Variants in EEF1G observed in about 807,000 individuals in gnomAD.
EEF1G encodes the protein eukaryotic translation elongation factor 1 gamma.
In EEF1G, 14 loss-of-function variants were observed where a neutral mutation model predicts 58.3. The ratio of observed to expected loss-of-function variants is 0.24; its 90% confidence interval spans 0.16 to 0.38. EEF1G has a LOEUF of 0.38. EEF1G is among the 10% of genes least tolerant of loss of function. The probability of loss-of-function intolerance (pLI) is 1.00; values close to 1 mark genes in which losing one functional copy is unlikely to be tolerated. For synonymous variants in EEF1G, 180 were observed against 206.8 expected (o/e 0.87, Z 1.11); for missense variants, 322 against 550.1 (o/e 0.59, Z 4.15).
chr11:62,561,688 A>AAAAAAAAAACAAAAC (rs1941498250), intron 7 of EEF1G, among the ~76,000 whole-genome samples: 9 of 140,430 alleles, frequency 6.4e-5, no homozygotes, highest in Non-Finnish European at 9.5e-5. Flanking sequence ...AAAACAAAAA[A>AAAAAAAAAACAAAAC]AAAAAAAACA....
At chr11:62,573,552 A>G in intron 1 of EEF1G, 1 of 565,142 alleles carries the variant, frequency 1.8e-6, no homozygotes, top group Non-Finnish European at 3.2e-6. Context: ...CACGCCTCAA[A>G]GCGGCAACAG....
intron 1 of EEF1G, chr11:62,573,377 T>C (rs1941661353): frequency 1.0e-5 from 2 of 191,034 alleles, no homozygotes; most frequent in South Asian, 9.6e-5. Flanking sequence ...CGGAGTCCAA[T>C]TGGTCTGACT....
intron 6 of EEF1G, 51 bp from the exon 7 acceptor site, chr11:62,567,061 A>C: frequency 6.3e-7 from 1 of 1,586,094 alleles, no homozygotes; most frequent in African/African-American, 1.3e-5. Context: ...CTCTTTCCAC[A>C]CCCCTCCAAA....
At chr11:62,568,570 C>A (rs1203028308) in intron 5 of EEF1G, among the ~76,000 whole-genome samples, 1 of 151,842 alleles carries the variant, frequency 6.6e-6, no homozygotes, top group Non-Finnish European at 1.5e-5. Context: ...TCAGTGTAGT[C>A]CAGTTTAATG....
At chr11:62,561,357 C>T (rs992932266) in intron 7 of EEF1G, among the ~76,000 whole-genome samples, 43 of 148,700 alleles carry the variant, frequency 2.9e-4, no homozygotes, top group African/African-American at 1.0e-3. Context: ...CCAGCCTGGG[C>T]GATAGAGGAA....
intron 7 of EEF1G, among the ~76,000 whole-genome samples, chr11:62,565,858 C>A (rs1465392016): frequency 6.6e-6 from 1 of 152,174 alleles, no homozygotes; most frequent in African/African-American, 2.4e-5. Context: ...CAATTCTATG[C>A]ACAGCTACTG....
At chr11:62,563,275 T>C (rs1389010853) in intron 7 of EEF1G, among the ~76,000 whole-genome samples, 5 of 151,880 alleles carry the variant, frequency 3.3e-5, no homozygotes, top group African/African-American at 1.2e-4. Flanking sequence ...TACAGGCGCC[T>C]GCTACCGCCC....
chr11:62,560,506 C>T (rs1009441920), intron 7 of EEF1G, 52 bp from the exon 8 acceptor site: 1 of 1,576,558 alleles, frequency 6.3e-7, no homozygotes, highest in African/African-American at 1.4e-5. Context: ...GGTTGCCAGG[C>T]TAAGAGAAGT....
chr11:62,568,411 A>T (rs899788287), intron 5 of EEF1G, among the ~76,000 whole-genome samples: 15 of 113,464 alleles, frequency 1.3e-4, no homozygotes, highest in South Asian at 3.1e-4. Context: ...AAAAAAAAAA[A>T]TTTTAATAGA....
At chr11:62,567,037 A>T (rs751750965) in intron 6 of EEF1G, 27 bp from the exon 7 acceptor site, 2 of 1,611,030 alleles carry the variant, frequency 1.2e-6, no homozygotes, top group Non-Finnish European at 1.7e-6. Context: ...CAGGAAAGTG[A>T]ACGAATGTTC....
chr11:62,570,983 C>T lies in EEF1G; in HGVS notation c.504G>A (p.Leu168=), dbSNP rs768538826. The T allele has an allele frequency of 6.2e-7, 1 of 1,613,788 alleles. No individual in the cohort carries two copies. Among genetic ancestry groups the T allele is most frequent in the East Asian group, 2.2e-5 (1 of 44,896 alleles). The change falls in exon 5 of 10, where the codon CTG becomes CTA. Residue 168 remains leucine, a synonymous_variant. Transcript: ENST00000329251. Reference sequence around the variant, plus strand: ...ACTTCACCTGCTTATAGAGCCACAACAGGGTGCAGACAACTGTGATGTCAG... The same window carrying T: ...ACTTCACCTGCTTATAGAGCCACAATAGGGTGCAGACAACTGTGATGTCAG... ...TLADITVVCT[L]LWLYKQVLEP... is the part of the protein sequence containing the mutation.
chr11:62,569,102 C>CACA (rs1301537208), intron 5 of EEF1G, among the ~76,000 whole-genome samples: 3 of 150,812 alleles, frequency 2.0e-5, no homozygotes, highest in South Asian at 2.1e-4. Context: ...CACACACACA[C>CACA]CCCCCACACC....
chr11:62,560,579 G>A, intron 7 of EEF1G, 125 bp from the exon 8 acceptor site: 2 of 1,089,396 alleles, frequency 1.8e-6, no homozygotes, highest in Admixed American at 2.2e-5. Context: ...TGGCAGATGT[G>A]TATGACCTTA....
chr11:62,565,460 A>G lies in EEF1G; in HGVS notation c.857+1346T>C, dbSNP rs564496640. Reference sequence around the variant, plus strand: ...CATGGTAACCCAATAAATAGACATTAATAAACATTCCCAAAACCATGTTAA... The same window carrying G: ...CATGGTAACCCAATAAATAGACATTGATAAACATTCCCAAAACCATGTTAA... On this transcript the variant is annotated intron_variant, in intron 7 of 9. Coordinates refer to ENST00000329251, the MANE Select transcript of EEF1G (RefSeq NM_001404.5). Among the ~76,000 whole-genome samples the G allele has an allele frequency of 4.6e-5, 7 of 152,336 alleles. No individual in the cohort carries two copies. The East Asian group carries it at 1.3e-3, about 29-fold the overall frequency.
At chr11:62,561,031 T>C (rs1441402132) in intron 7 of EEF1G, among the ~76,000 whole-genome samples, 4 of 152,238 alleles carry the variant, frequency 2.6e-5, no homozygotes, top group African/African-American at 9.6e-5. Context: ...TCTGGCATAC[T>C]GAGCCAAGAA....
intron 5 of EEF1G, among the ~76,000 whole-genome samples, chr11:62,570,046 C>T (rs1941607407): frequency 6.6e-6 from 1 of 151,244 alleles, no homozygotes; most frequent in Non-Finnish European, 1.5e-5. Context: ...TATCTGTCTC[C>T]AAAAGAGCTT....
At chr11:62,564,928 G>A (rs753745771) in intron 7 of EEF1G, among the ~76,000 whole-genome samples, 7 of 151,540 alleles carry the variant, frequency 4.6e-5, no homozygotes, top group Admixed American at 2.0e-4. Context: ...TTTGCCAGCC[G>A]TGGTGTCACG....
chr11:62,567,558 C>T, intron 5 of EEF1G, 30 bp from the exon 6 acceptor site: 3 of 1,558,356 alleles, frequency 1.9e-6, no homozygotes, highest in South Asian at 1.2e-5. Flanking sequence ...TAAACAAAGT[C>T]AGTGGAAAGG....
rs370127965 is a variant in EEF1G at position 62,559,813 on chromosome 11, A to G, written c.1180T>C (p.Tyr394His). The G allele has an allele frequency of 2.5e-6, 4 of 1,613,982 alleles. No homozygotes were observed. Among genetic ancestry groups the G allele is most frequent in the Non-Finnish European group, 3.4e-6 (4 of 1,179,886 alleles). The part of the protein sequence containing the change: ...FPLSPDWQVD[Y>H]ESYTWRKLDP... Reference sequence around the variant, plus strand: ...AGTTTCCGCCATGTGTATGACTCGTAGTCCACCTGCCAATCTGGACTCAGC... The same window carrying G: ...AGTTTCCGCCATGTGTATGACTCGTGGTCCACCTGCCAATCTGGACTCAGC... Residue 394 changes from tyrosine to histidine, a missense_variant, in exon 10 of 10, where the codon TAC becomes CAC. Tyr to His is a moderately conservative substitution (Grantham distance 83, BLOSUM62 2). Around this residue, in one of 3 missense-constraint regions of EEF1G, gnomAD observed 208 missense variants for 323.7 expected, o/e 0.64. Transcript: ENST00000329251.
Sources: gnomAD v4.1 joint callset for allele counts (sites outside exome capture counted in the v4.1 genomes callset) on GRCh38, gnomAD v4.1.1 for gene constraint, gnomAD v4.1.1 regional missense constraint, MANE v1.5 for transcripts, NCBI Gene and HGNC (gene_info 2026-07-23, HGNC 2026-07-21) for gene names.